The following MERTK variants were observed in gnomAD, a reference collection of about 807,000 sequenced individuals.
MERTK encodes MER proto-oncogene, tyrosine kinase, also known as tyrosine-protein kinase Mer.
In MERTK, 69 loss-of-function variants were observed where a neutral mutation model predicts 99.3. That is an observed-to-expected ratio of 0.70 (90% CI 0.57 to 0.85). The LOEUF (loss-of-function observed/expected upper bound fraction) is 0.85, where lower values mean the gene tolerates loss of function less well. Among genes scored for constraint, MERTK ranks in the 40% least tolerant of loss-of-function variants. The pLI, the probability that MERTK is intolerant of heterozygous loss-of-function variation, is 0.00. For missense variants in MERTK, 1,125 were observed against 1,249.4 expected (o/e 0.90, Z 1.50); for synonymous variants, 426 against 467.6 (o/e 0.91, Z 1.15).
chr2:111,976,253 T>C (rs184124706), intron 7 of MERTK, among the ~76,000 whole-genome samples: 1 of 152,328 alleles, frequency 6.6e-6, no homozygotes. Context: ...AACCCTGTTC[T>C]CTTGTTTTTT....
At chr2:111,996,970 T>C (rs1323392732) in intron 9 of MERTK, 1 of 309,388 alleles carries the variant, frequency 3.2e-6, no homozygotes, top group Non-Finnish European at 6.3e-6. Flanking sequence ...GAAGTAAATA[T>C]TAGTTGTAAT....
At chr2:111,902,778 CT>C (rs1684068426) in intron 1 of MERTK, among the ~76,000 whole-genome samples, 1 of 83,454 alleles carries the variant, frequency 1.2e-5, no homozygotes, top group Non-Finnish European at 2.3e-5. Context: ...TCCTTCCTTC[CT>C]TCCTTCCTTC....
intron 2 of MERTK, among the ~76,000 whole-genome samples, chr2:111,939,654 ATTTTTT>A (rs1184269274): frequency 0.013 from 1,187 of 88,114 alleles, 7 homozygotes; most frequent in African/African-American, 0.04. Context: ...CTAATTTTTA[ATTTTTT>A]TTTTTTTTTT....
chr2:111,994,998 C>A, intron 9 of MERTK: 1 of 176,802 alleles, frequency 5.7e-6, no homozygotes, highest in Non-Finnish European at 1.2e-5. Flanking sequence ...GTATACTGTA[C>A]ATGACTGAAT....
rs149514004 is a variant in MERTK at position 112,021,806 on chromosome 2, G to A, written c.2349+225G>A. On this transcript the variant is annotated intron_variant, in intron 17 of 18. Coordinates refer to ENST00000295408, the MANE Select transcript of MERTK (RefSeq NM_006343.3). The stretch of plus-strand genomic sequence containing the variant: ...TTCAGAAGATGTGTGCTTTGCAAAA[G>A]CCCTTAATTTCTTCCCATTTTTCCT... Among the ~76,000 whole-genome samples, 13 of 152,262 alleles carry A rather than the reference G, an allele frequency of 8.5e-5. No individual in the cohort carries two copies. The East Asian group carries it at 2.3e-3, about 27-fold the overall frequency.
chr2:112,016,606 A>T (rs968935505), intron 15 of MERTK, among the ~76,000 whole-genome samples: 11 of 152,184 alleles, frequency 7.2e-5, no homozygotes, highest in Non-Finnish European at 1.6e-4. Flanking sequence ...CACTCTGCCC[A>T]GGGCAGACAT....
chr2:111,978,446 GTTTT>G (rs70962972), intron 7 of MERTK, among the ~76,000 whole-genome samples: 34,755 of 146,676 alleles, frequency 0.24, 4,274 homozygotes, highest in Middle Eastern at 0.39. Flanking sequence ...CACCCAGCAT[GTTTT>G]TTGTTTGTTT....
intron 1 of MERTK, among the ~76,000 whole-genome samples, chr2:111,909,607 T>C (rs2104664356): frequency 1.3e-5 from 2 of 152,252 alleles, no homozygotes; most frequent in South Asian, 4.1e-4. Flanking sequence ...ACTCAGACCT[T>C]AGTTATAGAT....
At chr2:111,970,284 G>A (rs1676078399) in intron 6 of MERTK, among the ~76,000 whole-genome samples, 1 of 151,782 alleles carries the variant, frequency 6.6e-6, no homozygotes. Context: ...ACCCACCCGA[G>A]TAGCTGGGAC....
chr2:112,008,273 C>A, intron 13 of MERTK, 110 bp from the exon 14 acceptor site: 1 of 787,694 alleles, frequency 1.3e-6, no homozygotes, highest in Non-Finnish European at 2.2e-6. Context: ...TGTCTCTATA[C>A]TTTCATCTCT....
At chr2:111,970,215 G>T (rs1174663832) in intron 6 of MERTK, among the ~76,000 whole-genome samples, 1 of 151,434 alleles carries the variant, frequency 6.6e-6, no homozygotes, top group Non-Finnish European at 1.5e-5. Context: ...GGAGTGCAGT[G>T]GTGTGATCTC....
intron 10 of MERTK, among the ~76,000 whole-genome samples, chr2:111,999,987 A>T (rs1019884741): frequency 6.6e-6 from 1 of 152,178 alleles, no homozygotes; most frequent in Non-Finnish European, 1.5e-5. Flanking sequence ...GGGAGGGTGT[A>T]TCATACAAAG....
At chr2:112,002,379 G>A (rs139881220) in intron 11 of MERTK, among the ~76,000 whole-genome samples, 1 of 152,158 alleles carries the variant, frequency 6.6e-6, no homozygotes, top group African/African-American at 2.4e-5. Context: ...GGCATGGGAG[G>A]GTAGGGGACG....
chr2:111,932,224 C>T (rs1315049328), intron 2 of MERTK, among the ~76,000 whole-genome samples: 1 of 152,178 alleles, frequency 6.6e-6, no homozygotes, highest in Non-Finnish European at 1.5e-5. Flanking sequence ...CTCTGTCGCC[C>T]AGGCTGGAGT....
chr2:112,022,181 G>T, intron 17 of MERTK, 77 bp from the exon 18 acceptor site: 3 of 1,594,824 alleles, frequency 1.9e-6, no homozygotes, highest in South Asian at 2.2e-5. Flanking sequence ...TTAAGGAAAT[G>T]ACCTTTCCCA....
intron 18 of MERTK, among the ~76,000 whole-genome samples, chr2:112,027,910 CT>C (rs1235852238): frequency 2.0e-5 from 3 of 152,182 alleles, no homozygotes; most frequent in Admixed American, 6.5e-5. Context: ...ATATTTTTGG[CT>C]TTGCAGGCCT....
chr2:112,023,071 A>T (rs995911133), intron 18 of MERTK, among the ~76,000 whole-genome samples: 1 of 152,074 alleles, frequency 6.6e-6, no homozygotes, highest in African/African-American at 2.4e-5. Flanking sequence ...TGAGCCCAGG[A>T]GTTTAAGACC....
intron 10 of MERTK, among the ~76,000 whole-genome samples, chr2:112,000,103 T>C (rs1240690995): frequency 6.6e-6 from 1 of 152,140 alleles, no homozygotes; most frequent in Non-Finnish European, 1.5e-5. Flanking sequence ...CAGGAACAAA[T>C]CACAATGGTG....
chr2:111,904,445 C>A (rs1238828150), intron 1 of MERTK, among the ~76,000 whole-genome samples: 1 of 150,232 alleles, frequency 6.7e-6, no homozygotes, highest in Admixed American at 6.7e-5. Flanking sequence ...GGCGCGATCT[C>A]GGCTCACTGC....
Sources: allele counts gnomAD v4.1 joint callset (sites outside exome capture counted in the v4.1 genomes callset), GRCh38; gene constraint gnomAD v4.1.1; transcripts MANE v1.5; gene names NCBI Gene and HGNC (gene_info 2026-07-23, HGNC 2026-07-21).